Variants in INAVA observed in about 807,000 individuals in gnomAD.
The protein encoded by INAVA is innate immunity activator.
A neutral mutation model predicts 55.3 loss-of-function variants in INAVA; 32 were observed. The observed-to-expected ratio is 0.58, with a 90% CI of 0.44 to 0.78. The LOEUF is 0.78. INAVA is among the 30% of genes least tolerant of loss of function. INAVA has a pLI of 0.00. For missense variants in INAVA, 756 were observed against 786.4 expected (o/e 0.96, Z 0.46); for synonymous variants, 294 against 329.4 (o/e 0.89, Z 1.16).
At chr1:200,891,661 G>A, upstream of INAVA, 6 of 1,497,174 alleles carry the variant, frequency 4.0e-6, no homozygotes, top group Non-Finnish European at 4.4e-6. Context: ...GGAGTGGAGG[G>A]CGCAGGGGCA....
At chr1:200,904,439 T>C (rs903348011) in intron 5 of INAVA, among the ~76,000 whole-genome samples, 4 of 152,178 alleles carry the variant, frequency 2.6e-5, no homozygotes, top group African/African-American at 9.7e-5. Context: ...TGCTGTCCAA[T>C]ACAGTAGCCA....
At chr1:200,910,878 C>A (rs576239976) in intron 8 of INAVA, among the ~76,000 whole-genome samples, 1 of 152,324 alleles carries the variant, frequency 6.6e-6, no homozygotes, top group South Asian at 2.1e-4. Flanking sequence ...TCAGCCCCTG[C>A]CGGTCTTGGG....
chr1:200,905,423 A>T (rs1174278504), intron 5 of INAVA, among the ~76,000 whole-genome samples: 1 of 152,134 alleles, frequency 6.6e-6, no homozygotes, highest in African/African-American at 2.4e-5. Context: ...ATGGTTGTGG[A>T]CACCTATAGT....
Position 200,911,692 on chromosome 1 carries a change from C to G in INAVA, c.1199C>G (p.Pro400Arg), listed in dbSNP as rs1287427518. The G allele has an allele frequency of 1.2e-6, 2 of 1,613,884 alleles. No homozygotes were observed. Among genetic ancestry groups the G allele is most frequent in the Admixed American group, 1.7e-5 (1 of 60,024 alleles). ...ATCTCCTTTCTGCAGCCTCTCTCCC[C>G]TCCCAAGACCCATCGTCACCGCGGG... ...PDISFLQPLS[P>R]PKTHRHRGAW... is the part of the protein sequence containing the mutation. The change falls in exon 9 of 10, where the codon CCT becomes CGT. Residue 400 changes from proline to arginine, a missense_variant. Coordinates refer to ENST00000413687, the MANE Select transcript of INAVA (RefSeq NM_001142569.3).
In INAVA at chr1:200,911,777, G is replaced by A. The variant is rs1165670700; in HGVS notation, c.1284G>A (p.Pro428=). 3 of 1,611,258 alleles carry A rather than the reference G, an allele frequency of 1.9e-6. No homozygotes were observed. The highest frequency in any genetic ancestry group is 2.5e-6 in the Non-Finnish European group (3 of 1,178,658). The change falls in exon 9 of 10, where the codon CCG becomes CCA. Residue 428 remains proline, a synonymous_variant. Coordinates refer to ENST00000413687, the MANE Select transcript of INAVA (RefSeq NM_001142569.3). ...LVAHHPKLLL[P]PGYFPAGRYV... ...CCCACCACCCCAAGCTACTGCTGCC[G>A]CCTGGCTATTTCCCGGCGGGGCGGT...
chr1:200,893,788 C>T (rs1283349581), upstream of INAVA, among the ~76,000 whole-genome samples: 1 of 152,050 alleles, frequency 6.6e-6, no homozygotes, highest in Non-Finnish European at 1.5e-5. Flanking sequence ...CCATGAGTTC[C>T]GCTCCACAGG....
chr1:200,899,501 G>T lies in INAVA; in HGVS notation c.84G>T (p.Lys28Asn), dbSNP rs752447635. ...CCGACAGCCCGGTCTCCCCAATGAAGGAGCTGACCCATGCAGTGCACAAGC... is the reference window on the plus strand; with the variant it reads ...CCGACAGCCCGGTCTCCCCAATGAATGAGCTGACCCATGCAGTGCACAAGC... ...SGPDSPVSPM[K>N]ELTHAVHKQQ... Residue 28 changes from lysine to asparagine, a missense_variant, in exon 3 of 10, where the codon AAG (lysine) becomes AAT (asparagine). By Grantham distance (94) the Lys-to-Asn change is moderately conservative. Transcript: ENST00000413687. 1.2e-6 allele frequency: 2 copies of T among 1,614,078 alleles called. No homozygotes were observed. The highest frequency in any genetic ancestry group is 1.7e-6 in the Non-Finnish European group (2 of 1,180,012).
At chr1:200,900,000 TC>T in intron 3 of INAVA, 103 bp from the exon 4 acceptor site, 1 of 938,310 alleles carries the variant, frequency 1.1e-6, no homozygotes, top group Non-Finnish European at 1.6e-6. Context: ...TGGAGGGTGG[TC>T]CCACCAGGGC....
intron 7 of INAVA, 87 bp downstream of exon 7, chr1:200,909,027 G>A: frequency 2.1e-6 from 3 of 1,402,442 alleles, no homozygotes; most frequent in East Asian, 2.5e-5. Context: ...CTGGGCAGAT[G>A]GAAAAGTGGA....
At chr1:200,905,285 C>T (rs975410071) in intron 5 of INAVA, among the ~76,000 whole-genome samples, 3 of 152,170 alleles carry the variant, frequency 2.0e-5, no homozygotes, top group Non-Finnish European at 2.9e-5. Context: ...TTGGCTCAAG[C>T]TTGTAATCCC....
chr1:200,912,208 A>T, intron 9 of INAVA, 71 bp downstream of exon 9: 3 of 1,365,784 alleles, frequency 2.2e-6, no homozygotes, highest in South Asian at 1.4e-5. Context: ...CTGCAATTCT[A>T]GTATGTCCAA....
chr1:200,912,030 C>G lies in INAVA; in HGVS notation c.1537C>G (p.Leu513Val). ...CAAGTGGTGGCACGAGCGTGCACGCCTCCGGAGCACCCGCCCCCACTCACT... is the reference window on the plus strand; with the variant it reads ...CAAGTGGTGGCACGAGCGTGCACGCGTCCGGAGCACCCGCCCCCACTCACT... Reference protein sequence around the residue: ...ELKWWHERARLRSTRPHSLDR... With the variant: ...ELKWWHERARVRSTRPHSLDR... Residue 513 changes from leucine (L) to valine (V), a missense_variant, in exon 9 of 10, where the codon CTC (leucine) becomes GTC (valine). Transcript: ENST00000413687. 1 of 1,543,002 alleles carries G rather than the reference C, an allele frequency of 6.5e-7. No homozygotes were observed. The highest frequency in any genetic ancestry group is 8.7e-7 in the Non-Finnish European group (1 of 1,146,124).
upstream of INAVA, chr1:200,891,604 G>A (rs780075044): frequency 5.8e-6 from 9 of 1,560,814 alleles, no homozygotes; most frequent in Middle Eastern, 1.7e-4. Context: ...GGAGGCTCGG[G>A]GGGAGGGAAG....
rs1489823013 is a variant in INAVA, at chr1:200,911,783, C to T, written c.1290C>T (p.Gly430=). Residue 430 remains glycine, a synonymous_variant, in exon 9 of 10, where the codon GGC becomes GGT. Coordinates refer to ENST00000413687, the MANE Select transcript of INAVA (RefSeq NM_001142569.3). Reference sequence around the variant, plus strand: ...ACCCCAAGCTACTGCTGCCGCCTGGCTATTTCCCGGCGGGGCGGTACGTGG... The same window carrying T: ...ACCCCAAGCTACTGCTGCCGCCTGGTTATTTCCCGGCGGGGCGGTACGTGG... The part of the protein sequence containing the change: ...AHHPKLLLPP[G]YFPAGRYVVV... The T allele has an allele frequency of 1.2e-6, 2 of 1,610,784 alleles. No homozygotes were observed. Among genetic ancestry groups the T allele is most frequent in the Non-Finnish European group, 1.7e-6 (2 of 1,178,312 alleles).
At chr1:200,910,199 G>A (rs1653659124) in intron 8 of INAVA, among the ~76,000 whole-genome samples, 1 of 152,194 alleles carries the variant, frequency 6.6e-6, no homozygotes, top group Admixed American at 6.5e-5. Flanking sequence ...ACTGAAACAT[G>A]AGGGCAGAAC....
In INAVA at chr1:200,899,138, GGAA is replaced by G. The variant is rs372875156; in HGVS notation, c.56-327_56-325del. 4.2e-3 allele frequency among the ~76,000 whole-genome samples: 643 copies of G among 151,836 alleles called. 4 individuals carry two copies. The highest frequency in any genetic ancestry group is 0.015 in the African/African-American group (630 of 41,408). ...GTGGGGAGAGGGAGAGAGAGAGACA[GGAA>G]GAAGAAGGAGAAGGAAAAGAGGAAG... On this transcript the variant is annotated intron_variant, in intron 2 of 9. Coordinates refer to ENST00000413687, the MANE Select transcript of INAVA (RefSeq NM_001142569.3).
At position 200,904,899 on chromosome 1, in the gene INAVA, T is replaced by TAAAAC. The variant is rs529658464; in HGVS notation, c.521-2920_521-2916dup. On this transcript the variant is annotated intron_variant, in intron 5 of 9. Transcript: ENST00000413687. ...TCATGTGCCACCACACCCAGCAAAT[T>TAAAAC]AAAACAAAACAAAACAAAAAAACTA... is the stretch of plus-strand genomic sequence containing the variant. Among the ~76,000 whole-genome samples, 131 of 151,912 alleles carry TAAAAC rather than the reference T, an allele frequency of 8.6e-4. 2 individuals carry two copies. The highest frequency in any genetic ancestry group is 1.5e-3 in the Admixed American group (23 of 15,240).
chr1:200,911,694 C>T lies in INAVA; in HGVS notation c.1201C>T (p.Pro401Ser), dbSNP rs766733410. ...DISFLQPLSP[P>S]KTHRHRGAWV... Reference sequence around the variant, plus strand: ...CTCCTTTCTGCAGCCTCTCTCCCCTCCCAAGACCCATCGTCACCGCGGGGC... The same window carrying T: ...CTCCTTTCTGCAGCCTCTCTCCCCTTCCAAGACCCATCGTCACCGCGGGGC... Residue 401 changes from proline (P) to serine (S), a missense_variant, in exon 9 of 10, where the codon CCC (proline) becomes TCC (serine). Pro to Ser is a moderately conservative substitution (Grantham distance 74). Transcript: ENST00000413687. 2 of 1,613,898 alleles carry T rather than the reference C, an allele frequency of 1.2e-6. No individual in the cohort carries two copies. The highest frequency in any genetic ancestry group is 1.7e-6 in the Non-Finnish European group (2 of 1,179,856).
intron 8 of INAVA, among the ~76,000 whole-genome samples, chr1:200,909,704 A>G (rs532854630): frequency 6.6e-6 from 1 of 152,366 alleles, no homozygotes; most frequent in Non-Finnish European, 1.5e-5. Flanking sequence ...GGTCACTGAC[A>G]ATAGGCAACT....
Sources: gnomAD v4.1 joint callset for allele counts (sites outside exome capture counted in the v4.1 genomes callset) on GRCh38, gnomAD v4.1.1 for gene constraint, MANE v1.5 for transcripts, NCBI Gene and HGNC (gene_info 2026-07-23, HGNC 2026-07-21) for gene names.